ATXN10: variants seen among roughly 807,000 people sequenced by gnomAD.
ATXN10 encodes the protein ataxin 10, also known as ataxin-10.
In ATXN10, 28 loss-of-function variants were observed where a neutral mutation model predicts 52.9. That is an observed-to-expected ratio of 0.53 (90% CI 0.39 to 0.73). The LOEUF is 0.73. Ranked by LOEUF, ATXN10 falls within the 30% of genes least tolerant of loss-of-function variation. The pLI, the probability that ATXN10 is intolerant of heterozygous loss-of-function variation, is 0.00. For missense variants in ATXN10, 565 were observed against 577.0 expected, an observed-to-expected ratio of 0.98 and a Z score of 0.21; for synonymous variants, 226 against 221.5, an observed-to-expected ratio of 1.02 and a Z score of -0.18.
intron 10 of ATXN10, among the ~76,000 whole-genome samples, chr22:45,827,369 A>G (rs990943329): frequency 2.0e-5 from 3 of 152,222 alleles, no homozygotes; most frequent in Admixed American, 6.5e-5. Flanking sequence ...ACAGAGATTA[A>G]CAGAATGGAT....
Position 45,766,201 on chromosome 22 carries a change from T to A in ATXN10, c.1173+25663T>A, listed in dbSNP as rs1033000802. Among the ~76,000 whole-genome samples the A allele has an allele frequency of 3.9e-5, 6 of 152,216 alleles. No individual in the cohort carries two copies. Among genetic ancestry groups the A allele is most frequent in the Non-Finnish European group, 8.8e-5 (6 of 68,030 alleles). On this transcript the variant is annotated intron_variant, in intron 9 of 11. Coordinates refer to ENST00000252934, the MANE Select transcript of ATXN10 (RefSeq NM_013236.4). The surrounding 1 kb of genome is among the most constrained non-coding windows in gnomAD (Gnocchi z 4.6). ...TTTAGATCAGGGGTTCCCCAATCCC[T>A]GGTCCGTGGACTGGTACTGGTCCAT...
chr22:45,718,322 TTGTG>T lies in ATXN10; in HGVS notation c.648-87_648-84del, dbSNP rs1924521058. Reference sequence around the variant, plus strand: ...AAAAATTCACTGAAAAGAAATGCTTTTGTGTGTAAGTGGTGCCTATAAAGTAGAT... The same window carrying T: ...AAAAATTCACTGAAAAGAAATGCTTTTGTAAGTGGTGCCTATAAAGTAGAT... On this transcript the variant is annotated intron_variant, in intron 5 of 11. Coordinates refer to ENST00000252934, the MANE Select transcript of ATXN10 (RefSeq NM_013236.4). The surrounding 1 kb of genome is among the most constrained non-coding windows in gnomAD (Gnocchi z 4.4). The T allele has an allele frequency of 1.1e-6, 1 of 944,342 alleles. No individual in the cohort carries two copies. The highest frequency in any genetic ancestry group is 1.7e-5 in the Admixed American group (1 of 58,374). The allele number at this position is 944,342 out of a possible 1,614,324, so 58.5% of individuals were successfully genotyped here. A position where few individuals can be genotyped will look rare whatever the true frequency, so the allele number is the denominator to read the frequency against.
chr22:45,675,672 A>C (rs1044601989), intron 1 of ATXN10: 5 of 152,246 alleles, frequency 3.3e-5, no homozygotes, highest in African/African-American at 1.2e-4. Flanking sequence ...CCACGTGTGC[A>C]ACCTCATGAG....
At chr22:45,703,147 G>C (rs1439330285) in intron 5 of ATXN10, among the ~76,000 whole-genome samples, 1 of 152,240 alleles carries the variant, frequency 6.6e-6, no homozygotes, top group Non-Finnish European at 1.5e-5. Flanking sequence ...CACCTTTGGA[G>C]TGCACAGATA....
rs1439501976 is a variant in ATXN10 at position 45,789,570 on chromosome 22, C to A, written c.1174-17389C>A. Among the ~76,000 whole-genome samples the A allele has an allele frequency of 6.6e-6, 1 of 152,168 alleles. No homozygotes were observed. Among genetic ancestry groups the A allele is most frequent in the African/African-American group, 2.4e-5 (1 of 41,430 alleles). ...CAATTGTCACCGCCCTGGGAAGGCG[C>A]CAGTGAAGGGCCTGGAAAAGTTAGG... On this transcript the variant is annotated intron_variant, in intron 9 of 11. Coordinates refer to ENST00000252934, the MANE Select transcript of ATXN10 (RefSeq NM_013236.4). This position sits in a 1 kb window ranked among gnomAD's most constrained non-coding sequence, Gnocchi z 4.0.
At chr22:45,758,496 A>G (rs1254662338) in intron 9 of ATXN10, among the ~76,000 whole-genome samples, 2 of 152,230 alleles carry the variant, frequency 1.3e-5, no homozygotes, top group Non-Finnish European at 2.9e-5. Flanking sequence ...GTCATCAGAA[A>G]CTGAAGTTTC....
intron 5 of ATXN10, among the ~76,000 whole-genome samples, chr22:45,706,057 G>A (rs1924028931): frequency 6.6e-6 from 1 of 152,186 alleles, no homozygotes; most frequent in African/African-American, 2.4e-5. Flanking sequence ...TACAACTAAT[G>A]CCTGTTGATC....
intron 5 of ATXN10, among the ~76,000 whole-genome samples, chr22:45,713,452 C>T (rs1422480338): frequency 6.6e-6 from 1 of 152,100 alleles, no homozygotes; most frequent in Non-Finnish European, 1.5e-5. Context: ...TGATGAATTT[C>T]AAGATTAAAC....
Position 45,690,956 on chromosome 22 carries a change from G to A in ATXN10, c.308+1053G>A, listed in dbSNP as rs1923349055. On this transcript the variant is annotated intron_variant, in intron 2 of 11. Coordinates refer to ENST00000252934, the MANE Select transcript of ATXN10 (RefSeq NM_013236.4). This position sits in a 1 kb window ranked among gnomAD's most constrained non-coding sequence, Gnocchi z 4.5. ...TGTCACCACTGTGACGGGTAAGCTTGGGCTGGTCCAGAAGCCACTTGAGGG... is the reference window on the plus strand; with the variant it reads ...TGTCACCACTGTGACGGGTAAGCTTAGGCTGGTCCAGAAGCCACTTGAGGG... Among the ~76,000 whole-genome samples, 1 of 152,182 alleles carries A rather than the reference G, an allele frequency of 6.6e-6. No individual in the cohort carries two copies. The highest frequency in any genetic ancestry group is 2.4e-5 in the African/African-American group (1 of 41,442).
intron 6 of ATXN10, among the ~76,000 whole-genome samples, chr22:45,724,044 G>A (rs539503867): frequency 3.3e-4 from 1 of 3,040 alleles, no homozygotes; most frequent in Admixed American, 5.7e-3. Flanking sequence ...GTATTCCATT[G>A]TGTATATATA....
In ATXN10 at chr22:45,729,337, A is replaced by G. The variant is rs1924994957; in HGVS notation, c.729-88A>G. ...AAGGTAAGGAATTTAAAATAATAAT[A>G]TTCCCTTAAAGTTGCTTTCCTAGGT... is the stretch of plus-strand genomic sequence containing the variant. On this transcript the variant is annotated intron_variant, in intron 6 of 11. Coordinates refer to ENST00000252934, the MANE Select transcript of ATXN10 (RefSeq NM_013236.4). 7.6e-6 allele frequency: 10 copies of G among 1,318,146 alleles called. No homozygotes were observed. The South Asian group carries it at 8.4e-5, about 11-fold the overall frequency. 81.7% of individuals were successfully genotyped at this position (1,318,146 alleles called of 1,614,324 possible).
At position 45,806,941 on chromosome 22, in the gene ATXN10, T is replaced by TA; in HGVS notation, c.1174-17dup. 1 of 1,605,992 alleles carries TA rather than the reference T, an allele frequency of 6.2e-7. No individual in the cohort carries two copies. On this transcript the variant is annotated splice_polypyrimidine_tract_variant and intron_variant, in intron 9 of 11. Transcript: ENST00000252934. ...CCATGCTGTTTTCAGTGTATAAACTTATCTTCTTTCTCTCTAGGTAAATGA... is the reference window on the plus strand; with the variant it reads ...CCATGCTGTTTTCAGTGTATAAACTTAATCTTCTTTCTCTCTAGGTAAATGA...
rs979087447 is a variant in ATXN10 at position 45,749,736 on chromosome 22, T to A, written c.1173+9198T>A. On this transcript the variant is annotated intron_variant, in intron 9 of 11. Coordinates refer to ENST00000252934, the MANE Select transcript of ATXN10 (RefSeq NM_013236.4). ...GCCACCATGCCCGACTACTAAAAAT[T>A]TTTTTTTGGTAGAAAAACAGGGTCT... Among the ~76,000 whole-genome samples the A allele has an allele frequency of 5.3e-5, 8 of 152,006 alleles. No individual in the cohort carries two copies. In the East Asian group the frequency reaches 5.8e-4, roughly 11 times the overall value.
In ATXN10 at chr22:45,840,347, A is replaced by G. The variant is rs1445418507; in HGVS notation, c.1238-2644A>G. On this transcript the variant is annotated intron_variant, in intron 10 of 11. Transcript: ENST00000252934. The surrounding 1 kb of genome is among the most constrained non-coding windows in gnomAD (Gnocchi z 5.8). ...AGAACTGTTAAAAAAGAGAGAGAGA[A>G]TGCATTGGAAACAGACAGCAGGTGC... is the stretch of plus-strand genomic sequence containing the variant. Among the ~76,000 whole-genome samples, 2 of 152,026 alleles carry G rather than the reference A, an allele frequency of 1.3e-5. No homozygotes were observed. The highest frequency in any genetic ancestry group is 2.9e-5 in the Non-Finnish European group (2 of 68,022).
At chr22:45,698,260 A>G (rs1923699671) in intron 3 of ATXN10, among the ~76,000 whole-genome samples, 1 of 152,140 alleles carries the variant, frequency 6.6e-6, no homozygotes, top group Non-Finnish European at 1.5e-5. Context: ...TTTCACCGAC[A>G]CCATACGAAT....
Position 45,843,093 on chromosome 22 carries a change from C to T in ATXN10, c.1340C>T (p.Ala447Val), listed in dbSNP as rs1929400800. Residue 447 changes from alanine to valine, a missense_variant, in exon 11 of 12, where the codon GCA becomes GTA. Ala to Val is a moderately conservative substitution (Grantham distance 64). Transcript: ENST00000252934. This position sits in a 1 kb window ranked among gnomAD's most constrained non-coding sequence, Gnocchi z 4.5. ...AKMEEQGLAD[A>V]SLLKKVGFEV... ...ATGGAGGAACAGGGGCTGGCAGATGCATCCCTACTTAAAAAAGTGGGTTTT... is the reference window on the plus strand; with the variant it reads ...ATGGAGGAACAGGGGCTGGCAGATGTATCCCTACTTAAAAAAGTGGGTTTT... 1 of 1,614,066 alleles carries T rather than the reference C, an allele frequency of 6.2e-7. No homozygotes were observed. Among genetic ancestry groups the T allele is most frequent in the Admixed American group, 1.7e-5 (1 of 60,002 alleles).
In ATXN10 at chr22:45,683,453, G is replaced by T. The variant is rs1416355383; in HGVS notation, c.117-6259G>T. On this transcript the variant is annotated intron_variant, in intron 1 of 11. Coordinates refer to ENST00000252934, the MANE Select transcript of ATXN10 (RefSeq NM_013236.4). The surrounding 1 kb of genome is among the most constrained non-coding windows in gnomAD (Gnocchi z 4.8). ...AGTCGCACTTCTCTTTTCTCACTGG[G>T]GTTCATTGAAGCCAGCCCTGACTTC... Among the ~76,000 whole-genome samples, 1 of 152,106 alleles carries T rather than the reference G, an allele frequency of 6.6e-6. No individual in the cohort carries two copies. The highest frequency in any genetic ancestry group is 1.5e-5 in the Non-Finnish European group (1 of 68,044).
rs574669335 is a variant in ATXN10 at position 45,736,546 on chromosome 22, G to C, written c.895-2185G>C. Among the ~76,000 whole-genome samples, 34 of 152,024 alleles carry C rather than the reference G, an allele frequency of 2.2e-4. No individual in the cohort carries two copies. The South Asian group carries it at 6.7e-3, about 30-fold the overall frequency. On this transcript the variant is annotated intron_variant, in intron 7 of 11. Transcript: ENST00000252934. Reference sequence around the variant, plus strand: ...GACATAACTTTACTCCAGTGTATAGGTTCCCCTTTCCTCTTCTTTTTTTCC... The same window carrying C: ...GACATAACTTTACTCCAGTGTATAGCTTCCCCTTTCCTCTTCTTTTTTTCC...
chr22:45,695,589 G>A (rs1923574396), intron 3 of ATXN10, among the ~76,000 whole-genome samples: 1 of 151,674 alleles, frequency 6.6e-6, no homozygotes, highest in African/African-American at 2.4e-5. Context: ...TTCCCGCCGG[G>A]TTCAAGCGAT....
Sources: gnomAD v4.1 joint callset for allele counts (sites outside exome capture counted in the v4.1 genomes callset) on GRCh38, gnomAD v4.1.1 for gene constraint, Gnocchi (gnomAD v3.1) non-coding constraint, MANE v1.5 for transcripts, NCBI Gene and HGNC (gene_info 2026-07-23, HGNC 2026-07-21) for gene names.